ETS2: variants seen among roughly 807,000 people sequenced by gnomAD.
ETS2 encodes the protein ETS proto-oncogene 2, transcription factor, also known as protein C-ets-2.
ETS2 carries 19 observed loss-of-function variants against 54.9 expected under a neutral mutation model. The observed-to-expected ratio is 0.35, with a 90% CI of 0.24 to 0.51. The LOEUF is 0.51. Ranked by LOEUF, ETS2 falls within the 20% of genes least tolerant of loss-of-function variation. The pLI is 0.97. For synonymous variants in ETS2, 219 were observed against 229.3 expected (o/e 0.95, Z 0.41); for missense variants, 417 against 593.0 (o/e 0.70, Z 3.08).
intron 8 of ETS2, among the ~76,000 whole-genome samples, chr21:38,820,461 C>T (rs570614005): frequency 4.6e-5 from 7 of 152,192 alleles, no homozygotes; most frequent in South Asian, 2.1e-4. Context: ...GCCACGTAAA[C>T]GTATTAAAAT....
At chr21:38,805,918 G>A (rs931340643), upstream of ETS2, 3 of 1,246,096 alleles carry the variant, frequency 2.4e-6, no homozygotes, top group African/African-American at 3.2e-5. This position sits in a 1 kb window ranked among gnomAD's most constrained non-coding sequence, Gnocchi z 5.2. Context: ...GCGCCGCGTG[G>A]GGGACGGCCC....
At chr21:38,811,993 G>A (rs928398500) in intron 2 of ETS2, among the ~76,000 whole-genome samples, 1 of 152,190 alleles carries the variant, frequency 6.6e-6, no homozygotes, top group Non-Finnish European at 1.5e-5. Context: ...TGGGGTTACA[G>A]GCATAAGCCA....
At chr21:38,822,477 T>C (rs916283723) in intron 9 of ETS2, among the ~76,000 whole-genome samples, 197 bp from the exon 10 acceptor site, 7 of 152,170 alleles carry the variant, frequency 4.6e-5, no homozygotes, top group Admixed American at 1.3e-4. Flanking sequence ...GTTCTGCCCC[T>C]TGGGGACACA....
rs376510303 is a variant in ETS2 at position 38,821,053 on chromosome 21, G to A, written c.1076-533G>A. 3.3e-5 allele frequency among the ~76,000 whole-genome samples: 5 copies of A among 152,266 alleles called. No individual in the cohort carries two copies. The highest frequency in any genetic ancestry group is 1.9e-4 in the East Asian group (1 of 5,174). The stretch of plus-strand genomic sequence containing the variant: ...GCTGTGAGGCAACGGGTGTGACCCC[G>A]CGTGGCTATTGAGTAAACCGGGCTC... On this transcript the variant is annotated intron_variant, in intron 8 of 9. Transcript: ENST00000360938. This position sits in a 1 kb window ranked among gnomAD's most constrained non-coding sequence, Gnocchi z 4.2.
intron 2 of ETS2, among the ~76,000 whole-genome samples, chr21:38,811,003 T>C (rs377666037): frequency 6.6e-6 from 1 of 152,224 alleles, no homozygotes; most frequent in African/African-American, 2.4e-5. Context: ...ATTTTAAGCA[T>C]GGCAGAAGTG....
intron 5 of ETS2, among the ~76,000 whole-genome samples, chr21:38,816,470 T>G (rs1055943348): frequency 1.3e-5 from 2 of 152,170 alleles, no homozygotes; most frequent in African/African-American, 4.8e-5. Context: ...CACTTTGTAA[T>G]ATATTCGTAG....
At position 38,824,825 on chromosome 21, in the gene ETS2, G is replaced by C. The variant is rs911402802; in HGVS notation, c.*1936G>C. 4 of 152,538 alleles carry C rather than the reference G, an allele frequency of 2.6e-5. No individual in the cohort carries two copies. Among genetic ancestry groups the C allele is most frequent in the African/African-American group, 9.7e-5 (4 of 41,414 alleles). 9.4% of individuals were successfully genotyped at this position (152,538 alleles called of 1,614,324 possible). On this transcript the variant is annotated 3_prime_UTR_variant, in exon 10 of 10. Transcript: ENST00000360938. ...TATCTACAAAGAAGGAGTTTCATGG[G>C]GTTCAGCCTAACAGTTATGGAAACT...
At chr21:38,810,585 A>G (rs1035522170) in intron 2 of ETS2, among the ~76,000 whole-genome samples, 3 of 152,228 alleles carry the variant, frequency 2.0e-5, no homozygotes, top group African/African-American at 7.2e-5. Flanking sequence ...AAGCAGGCCT[A>G]CTTATGTTAA....
rs11422952 is a variant in ETS2, at chr21:38,823,617, G to GT, written c.*735dup. On this transcript the variant is annotated 3_prime_UTR_variant, in exon 10 of 10. Transcript: ENST00000360938. ...GTGGGGGGTAATCCCTGCTTTTTGT[G>GT]TTTTTTTGTTTGTTTGTTTGTTTGT... 0.34 allele frequency: 52,211 copies of GT among 152,350 alleles called. 9,031 individuals are homozygous for GT. The highest frequency in any genetic ancestry group is 0.36 in the Non-Finnish European group (24,572 of 68,058). 9.4% of individuals were successfully genotyped at this position (152,350 alleles called of 1,614,324 possible). A position where few individuals can be genotyped will look rare whatever the true frequency, so the allele number is the denominator to read the frequency against.
upstream of ETS2, chr21:38,805,868 T>C (rs1337103790): frequency 1.1e-5 from 13 of 1,179,020 alleles, no homozygotes; most frequent in Non-Finnish European, 1.4e-5. This position sits in a 1 kb window ranked among gnomAD's most constrained non-coding sequence, Gnocchi z 5.2. Flanking sequence ...CGTCCCTCCT[T>C]CCTCCTCCCT....
intron 5 of ETS2, among the ~76,000 whole-genome samples, 195 bp downstream of exon 5, chr21:38,815,176 G>GTA (rs2060928367): frequency 8.6e-5 from 2 of 23,380 alleles, no homozygotes; most frequent in South Asian, 1.6e-3. Context: ...CTTTATGTGA[G>GTA]TGTGTGTGTG....
chr21:38,812,204 T>C (rs1393870040), intron 2 of ETS2, among the ~76,000 whole-genome samples: 1 of 146,134 alleles, frequency 6.8e-6, no homozygotes, highest in African/African-American at 2.7e-5. Flanking sequence ...AGTAGTGTAT[T>C]TCATTGTTTG....
Position 38,818,572 on chromosome 21 carries a change from C to T in ETS2, c.737C>T (p.Ser246Phe), listed in dbSNP as rs764505333. 6.2e-7 allele frequency: 1 copy of T among 1,614,184 alleles called. No individual in the cohort carries two copies. Reference sequence around the variant, plus strand: ...ATGTTCCCCAAGTCTCGGCTCAGCTCCGTCAGCGTCACCTACTGCTCTGTC... The same window carrying T: ...ATGTTCCCCAAGTCTCGGCTCAGCTTCGTCAGCGTCACCTACTGCTCTGTC... ...FQMFPKSRLS[S>F]VSVTYCSVSQ... Residue 246 changes from serine to phenylalanine, a missense_variant, in exon 7 of 10, where the codon TCC becomes TTC. Physicochemically the swap from Ser to Phe is radical, Grantham distance 155 (BLOSUM62 -2). Coordinates refer to ENST00000360938, the MANE Select transcript of ETS2 (RefSeq NM_005239.6).
intron 1 of ETS2, among the ~76,000 whole-genome samples, chr21:38,807,437 G>A (rs2060898092): frequency 1.7e-5 from 1 of 59,048 alleles, no homozygotes; most frequent in African/African-American, 6.2e-5. Context: ...TTTTTTTTTG[G>A]TTTAAAAGCA....
chr21:38,818,525 C>T lies in ETS2; in HGVS notation c.690C>T (p.Leu230=). 6.2e-7 allele frequency: 1 copy of T among 1,614,202 alleles called. No individual in the cohort carries two copies. The highest frequency in any genetic ancestry group is 1.6e-4 in the Middle Eastern group (1 of 6,062). The change falls in exon 7 of 10, where the codon CTC becomes CTT. Residue 230 remains leucine, a synonymous_variant. Transcript: ENST00000360938. Reference sequence around the variant, plus strand: ...GTCCGGCCTCCACACCCAGCGTACTCAGCTCTGAGCAGGAGTTTCAGATGT... The same window carrying T: ...GTCCGGCCTCCACACCCAGCGTACTTAGCTCTGAGCAGGAGTTTCAGATGT... ...SMCPASTPSV[L]SSEQEFQMFP...
rs2060923527 is a variant in ETS2 at position 38,814,096 on chromosome 21, T to C, written c.185-177T>C. ...TTAATAAGTATAGTTCTGAGATATATATTTTCTCAATTATAGTCAGAAAAG... is the reference window on the plus strand; with the variant it reads ...TTAATAAGTATAGTTCTGAGATATACATTTTCTCAATTATAGTCAGAAAAG... On this transcript the variant is annotated intron_variant, in intron 3 of 9. Coordinates refer to ENST00000360938, the MANE Select transcript of ETS2 (RefSeq NM_005239.6). The surrounding 1 kb of genome is among the most constrained non-coding windows in gnomAD (Gnocchi z 4.2). Among the ~76,000 whole-genome samples, 1 of 152,248 alleles carries C rather than the reference T, an allele frequency of 6.6e-6. No individual in the cohort carries two copies. Among genetic ancestry groups the C allele is most frequent in the Admixed American group, 6.5e-5 (1 of 15,276 alleles).
chr21:38,818,638 A>T lies in ETS2; in HGVS notation c.803A>T (p.Asn268Ile). 1 of 1,614,194 alleles carries T rather than the reference A, an allele frequency of 6.2e-7. No homozygotes were observed. The highest frequency in any genetic ancestry group is 1.3e-5 in the African/African-American group (1 of 75,050). ...FPGSNLNLLT[N>I]NSGTPKDHDS... ...GGCAGCAACTTGAATTTGCTCACCA[A>T]CAATTCTGGTAAGATTGGAAGCATC... The change falls in exon 7 of 10, where the codon AAC becomes ATC. Residue 268 changes from asparagine to isoleucine, a missense_variant. Asn to Ile is a moderately radical substitution (Grantham distance 149). Around this residue, in one of 3 missense-constraint regions of ETS2, gnomAD observed 326 missense variants for 426.1 expected, o/e 0.76. Transcript: ENST00000360938.
Position 38,822,818 on chromosome 21 carries a change from C to A in ETS2, c.1339C>A (p.Gln447Lys). 6.2e-7 allele frequency: 1 copy of A among 1,613,374 alleles called. No homozygotes were observed. Among genetic ancestry groups the A allele is most frequent in the Non-Finnish European group, 8.5e-7 (1 of 1,179,446 alleles). The change falls in exon 10 of 10, where the codon CAG becomes AAG. Residue 447 changes from glutamine (Q) to lysine (K), a missense_variant. Gln to Lys is a moderately conservative substitution (Grantham distance 53). Around this residue, in one of 3 missense-constraint regions of ETS2, gnomAD observed 31 missense variants for 32.8 expected, o/e 0.95. Coordinates refer to ENST00000360938, the MANE Select transcript of ETS2 (RefSeq NM_005239.6). Reference protein sequence around the residue: ...RYVYRFVCDLQNLLGFTPEEL... With the variant: ...RYVYRFVCDLKNLLGFTPEEL... ...CGTGTACCGCTTCGTGTGCGACCTC[C>A]AGAACTTGCTGGGGTTCACGCCCGA...
rs1327727744 is a variant in ETS2 at position 38,814,106 on chromosome 21, A to G, written c.185-167A>G. ...TAGTTCTGAGATATATATTTTCTCA[A>G]TTATAGTCAGAAAAGTTTTTTGTTA... On this transcript the variant is annotated intron_variant, in intron 3 of 9. Coordinates refer to ENST00000360938, the MANE Select transcript of ETS2 (RefSeq NM_005239.6). The surrounding 1 kb of genome is among the most constrained non-coding windows in gnomAD (Gnocchi z 4.2). Among the ~76,000 whole-genome samples the G allele has an allele frequency of 6.6e-6, 1 of 152,210 alleles. No homozygotes were observed. Among genetic ancestry groups the G allele is most frequent in the Non-Finnish European group, 1.5e-5 (1 of 68,034 alleles).
Sources: gnomAD v4.1 joint callset for allele counts (sites outside exome capture counted in the v4.1 genomes callset) on GRCh38, gnomAD v4.1.1 for gene constraint, gnomAD v4.1.1 regional missense constraint, Gnocchi (gnomAD v3.1) non-coding constraint, MANE v1.5 for transcripts, NCBI Gene and HGNC (gene_info 2026-07-23, HGNC 2026-07-21) for gene names.